The following SLC5A4 variants were observed in gnomAD, a reference collection of about 807,000 sequenced individuals.
The protein encoded by SLC5A4 is probable glucose sensor protein SLC5A4.
In SLC5A4, 55 loss-of-function variants were observed where a neutral mutation model predicts 70.3. The observed-to-expected ratio is 0.78, with a 90% CI of 0.63 to 0.98. The LOEUF is 0.98. Among genes scored for constraint, SLC5A4 ranks in the 50% least tolerant of loss-of-function variants. The pLI, the probability that SLC5A4 is intolerant of heterozygous loss-of-function variation, is 0.00. For missense variants in SLC5A4, 735 were observed against 839.2 expected, an observed-to-expected ratio of 0.88 and a Z score of 1.53; for synonymous variants, 268 against 305.7, an observed-to-expected ratio of 0.88 and a Z score of 1.29.
chr22:32,304,517 G>GACCTTCCC, the SLC5A4 span, among the ~76,000 whole-genome samples: 1 of 152,164 alleles, frequency 6.6e-6, no homozygotes, highest in Non-Finnish European at 1.5e-5. Context: ...GGGCTGAAGT[G>GACCTTCCC]ACCTTCCCGC....
the SLC5A4 span, among the ~76,000 whole-genome samples, chr22:32,331,783 G>C: frequency 6.6e-6 from 1 of 152,078 alleles, no homozygotes; most frequent in Admixed American, 6.5e-5. Context: ...CAGATCCCAT[G>C]CCCCTCGGCT....
At chr22:32,233,428 T>C (rs1350446008) in intron 8 of SLC5A4, among the ~76,000 whole-genome samples, 1 of 152,182 alleles carries the variant, frequency 6.6e-6, no homozygotes, top group Non-Finnish European at 1.5e-5. Context: ...CTTAGGAAGA[T>C]ACTGAAGGCT....
chr22:32,280,412 T>A, the SLC5A4 span, among the ~76,000 whole-genome samples: 5 of 152,176 alleles, frequency 3.3e-5, no homozygotes, highest in Non-Finnish European at 2.9e-5. Flanking sequence ...TTCAGAATGC[T>A]GCCCTCACTT....
At chr22:32,339,220 G>C in the SLC5A4 span, among the ~76,000 whole-genome samples, 1 of 152,182 alleles carries the variant, frequency 6.6e-6, no homozygotes, top group African/African-American at 2.4e-5. Flanking sequence ...GATCCGTAGC[G>C]GCTTTTCTTT....
rs757173058 is a variant in SLC5A4 at position 32,234,870 on chromosome 22, C to G, written c.885+3G>C. ...GACAGACACACATATACATATACTT[C>G]ACCTGATTTGTGCACCAGTACCACA... On this transcript the variant is annotated splice_donor_region_variant and intron_variant, in intron 8 of 14. Coordinates refer to ENST00000266086, the MANE Select transcript of SLC5A4 (RefSeq NM_014227.3). 6.3e-7 allele frequency: 1 copy of G among 1,599,952 alleles called. No homozygotes were observed. Among genetic ancestry groups the G allele is most frequent in the South Asian group, 1.1e-5 (1 of 90,764 alleles).
the SLC5A4 span, among the ~76,000 whole-genome samples, chr22:32,286,856 C>T: frequency 1.3e-5 from 2 of 152,106 alleles, no homozygotes; most frequent in African/African-American, 4.8e-5. Flanking sequence ...TAGGGCTTAG[C>T]AAAATTAAAA....
upstream of SLC5A4, among the ~76,000 whole-genome samples, chr22:32,257,659 C>CTTTTTTT (rs58908133): frequency 0.064 from 9,084 of 141,758 alleles, 598 homozygotes; most frequent in African/African-American, 0.17. Flanking sequence ...GCAAGGTTTT[C>CTTTTTTT]TTTTTTTTTT....
the SLC5A4 span, among the ~76,000 whole-genome samples, chr22:32,265,026 A>G: frequency 6.6e-6 from 1 of 152,212 alleles, no homozygotes; most frequent in South Asian, 2.1e-4. Context: ...ATTTATATAG[A>G]ATCTTAATAT....
At chr22:32,271,089 G>A in the SLC5A4 span, 50 of 587,792 alleles carry the variant, frequency 8.5e-5, no homozygotes, top group South Asian at 2.8e-4. Flanking sequence ...GAGGTGGCCC[G>A]AAGAAGCAGC....
chr22:32,269,559 G>A, the SLC5A4 span: 1 of 627,408 alleles, frequency 1.6e-6, no homozygotes, highest in South Asian at 1.4e-5. This position sits in a 1 kb window ranked among gnomAD's most constrained non-coding sequence, Gnocchi z 4.1. Flanking sequence ...TCACGCAGAA[G>A]GTGCACCCCG....
chr22:32,237,387 C>A, intron 6 of SLC5A4, 63 bp from the exon 7 acceptor site: 1 of 1,123,170 alleles, frequency 8.9e-7, no homozygotes, highest in East Asian at 2.6e-5. Flanking sequence ...TTTACCTTCA[C>A]CACTGGGTTC....
chr22:32,324,108 G>A, the SLC5A4 span, among the ~76,000 whole-genome samples: 1 of 152,168 alleles, frequency 6.6e-6, no homozygotes, highest in Non-Finnish European at 1.5e-5. Context: ...CAGGAGGGGA[G>A]GTGTGCCACT....
the SLC5A4 span, among the ~76,000 whole-genome samples, chr22:32,274,156 C>A: frequency 6.6e-6 from 1 of 151,678 alleles, no homozygotes; most frequent in Admixed American, 6.6e-5. Flanking sequence ...TCTCCCGCTT[C>A]AGCCTCCCCA....
At chr22:32,308,836 C>T in the SLC5A4 span, among the ~76,000 whole-genome samples, 1 of 151,954 alleles carries the variant, frequency 6.6e-6, no homozygotes, top group Non-Finnish European at 1.5e-5. Flanking sequence ...GTGTGTGCAC[C>T]CATGTATGCA....
the SLC5A4 span, among the ~76,000 whole-genome samples, chr22:32,300,433 C>A: frequency 6.6e-6 from 1 of 152,188 alleles, no homozygotes; most frequent in Admixed American, 6.5e-5. Context: ...CAGGTGCCGT[C>A]CGTCACCCCT....
the SLC5A4 span, among the ~76,000 whole-genome samples, chr22:32,298,254 T>C: frequency 7.4e-6 from 1 of 134,278 alleles, no homozygotes; most frequent in Middle Eastern, 3.9e-3. Flanking sequence ...GACAGTGGGG[T>C]GTTAAAGTCT....
chr22:32,234,515 A>AT (rs1405047252), intron 8 of SLC5A4, among the ~76,000 whole-genome samples: 1 of 152,182 alleles, frequency 6.6e-6, no homozygotes, highest in Non-Finnish European at 1.5e-5. Flanking sequence ...CCTGGCCAAC[A>AT]TGGTGAAACC....
the SLC5A4 span, chr22:32,270,126 G>T: frequency 1.8e-6 from 1 of 564,600 alleles, no homozygotes; most frequent in South Asian, 1.7e-5. Context: ...CGTGTCACAG[G>T]ACGACATGGA....
the SLC5A4 span, among the ~76,000 whole-genome samples, chr22:32,292,751 T>TCCA: frequency 6.6e-6 from 1 of 152,224 alleles, no homozygotes; most frequent in Non-Finnish European, 1.5e-5. Context: ...TGTGTATTGG[T>TCCA]ATGTGTTGAA....
Sources: gnomAD v4.1 joint callset for allele counts (sites outside exome capture counted in the v4.1 genomes callset) on GRCh38, gnomAD v4.1.1 for gene constraint, Gnocchi (gnomAD v3.1) non-coding constraint, MANE v1.5 for transcripts, NCBI Gene and HGNC (gene_info 2026-07-23, HGNC 2026-07-21) for gene names.